DICER1: variants seen among roughly 807,000 people sequenced by gnomAD.
DICER1 encodes dicer 1, ribonuclease III, also known as endoribonuclease Dicer.
Under a neutral mutation model 194.1 loss-of-function variants are expected in DICER1, and 43 were observed. That is an observed-to-expected ratio of 0.22 (90% CI 0.17 to 0.29). The LOEUF (loss-of-function observed/expected upper bound fraction) is 0.29, where lower values mean the gene tolerates loss of function less well. DICER1 is among the 10% of genes least tolerant of loss of function. The pLI, the probability that DICER1 is intolerant of heterozygous loss-of-function variation, is 1.00. For missense variants in DICER1, 1,608 were observed against 2,317.0 expected (o/e 0.69, Z 6.28); for synonymous variants, 832 against 820.5 (o/e 1.01, Z -0.24).
chr14:95,129,450 T>C (rs1273067430), intron 6 of DICER1, 22 bp downstream of exon 6: 6 of 1,611,364 alleles, frequency 3.7e-6, no homozygotes, highest in Non-Finnish European at 5.1e-6. Flanking sequence ...TCATTAAAGC[T>C]GAGTCAATCA....
intron 1 of DICER1, among the ~76,000 whole-genome samples, chr14:95,140,211 CAT>C (rs1275315862): frequency 1.3e-5 from 2 of 152,166 alleles, no homozygotes; most frequent in Admixed American, 1.3e-4. Context: ...GAGGTTGTTT[CAT>C]AGTTTCCACA....
At chr14:95,157,954 C>G (rs1441006629), upstream of DICER1, 2 of 152,222 alleles carry the variant, frequency 1.3e-5, no homozygotes, top group Non-Finnish European at 2.9e-5. Flanking sequence ...TGCGTTTCCT[C>G]GCGTTAGTGG....
intron 1 of DICER1, among the ~76,000 whole-genome samples, chr14:95,156,360 C>T (rs73331576): frequency 0.03 from 4,551 of 152,214 alleles, 253 homozygotes; most frequent in African/African-American, 0.1. Flanking sequence ...TCGTGTAGAC[C>T]AGTAACGTGT....
chr14:95,108,467 C>T lies in DICER1; in HGVS notation c.2293G>A (p.Asp765Asn), dbSNP rs1595382448. Residue 765 changes from aspartate to asparagine, a missense_variant, in exon 15 of 27, where the codon GAT becomes AAT. This residue lies in a region of DICER1 where 657 missense variants were observed against 910.1 expected (regional missense o/e 0.72). Coordinates refer to ENST00000343455, the MANE Select transcript of DICER1 (RefSeq NM_177438.3). ...ECLRDSYPRP[D>N]QPCYLYVIGM... ...ATCACATACAGGTAACAGGGCTGATCAGGTCTGGGATAACTATCCCTCAAA... is the reference window on the plus strand; with the variant it reads ...ATCACATACAGGTAACAGGGCTGATTAGGTCTGGGATAACTATCCCTCAAA... 3 of 1,613,950 alleles carry T rather than the reference C, an allele frequency of 1.9e-6. No homozygotes were observed. Among genetic ancestry groups the T allele is most frequent in the East Asian group, 4.5e-5 (2 of 44,874 alleles).
intron 6 of DICER1, among the ~76,000 whole-genome samples, chr14:95,128,007 A>G (rs373676523): frequency 1.7e-4 from 26 of 152,314 alleles, no homozygotes; most frequent in East Asian, 1.5e-3. Context: ...TGAATTTTTA[A>G]TATTTGCAAA....
intron 6 of DICER1, chr14:95,128,924 T>TA (rs1192668631): frequency 3.9e-5 from 6 of 152,300 alleles, no homozygotes; most frequent in Non-Finnish European, 7.3e-5. Flanking sequence ...TCCACCAACC[T>TA]AAGTTATGAA....
rs533590757 is a variant in DICER1, at chr14:95,155,397, C to T, written c.-46+1833G>A. On this transcript the variant is annotated intron_variant, in intron 1 of 26. Transcript: ENST00000343455. ...AGTGGTAGAGAATAAAACATCCCAA[C>T]GCCATAAAAGTCACCCTCTCTAGAA... is the stretch of plus-strand genomic sequence containing the variant. 3.9e-5 allele frequency among the ~76,000 whole-genome samples: 6 copies of T among 152,286 alleles called. No individual in the cohort carries two copies. In the South Asian group the frequency reaches 8.3e-4, roughly 21 times the overall value.
rs1889684805 is a variant in DICER1, at chr14:95,090,403, C to T, written c.*95G>A. 2 of 1,376,876 alleles carry T rather than the reference C, an allele frequency of 1.5e-6. No individual in the cohort carries two copies. The highest frequency in any genetic ancestry group is 1.0e-6 in the Non-Finnish European group (1 of 970,472). The allele number at this position is 1,376,876 out of a possible 1,614,324, so 85.3% of individuals were successfully genotyped here. ...TAAATTCTGCCTTCAATTCATTCCACTCACTAACAACTTTAAGTCTTCCTT... is the reference window on the plus strand; with the variant it reads ...TAAATTCTGCCTTCAATTCATTCCATTCACTAACAACTTTAAGTCTTCCTT... On this transcript the variant is annotated 3_prime_UTR_variant, in exon 27 of 27. Coordinates refer to ENST00000343455, the MANE Select transcript of DICER1 (RefSeq NM_177438.3).
intron 17 of DICER1, among the ~76,000 whole-genome samples, 200 bp from the exon 18 acceptor site, chr14:95,106,423 G>A (rs1891435222): frequency 6.6e-6 from 1 of 151,308 alleles, no homozygotes; most frequent in Admixed American, 6.6e-5. Flanking sequence ...ACACATTATT[G>A]TCCCATTTTA....
At chr14:95,099,729 G>GTT in intron 22 of DICER1, 51 bp downstream of exon 22, 1 of 1,500,546 alleles carries the variant, frequency 6.7e-7, no homozygotes, top group Non-Finnish European at 8.8e-7. Flanking sequence ...AATCCCTCCA[G>GTT]TTACACACAC....
Position 95,087,813 on chromosome 14 carries a change from G to A in DICER1, c.*2685C>T. The A allele has an allele frequency of 4.3e-6, 1 of 233,196 alleles. No individual in the cohort carries two copies. Among genetic ancestry groups the A allele is most frequent in the Non-Finnish European group, 8.5e-6 (1 of 118,022 alleles). The allele number at this position is 233,196 out of a possible 1,614,324, so 14.4% of individuals were successfully genotyped here. ...CCAGTCCTTTACACACGTGCTCAGGGCACAACCACACCCCACTGGTAGGTT... is the reference window on the plus strand; with the variant it reads ...CCAGTCCTTTACACACGTGCTCAGGACACAACCACACCCCACTGGTAGGTT... On this transcript the variant is annotated 3_prime_UTR_variant, in exon 27 of 27. Transcript: ENST00000343455.
chr14:95,145,536 T>C (rs1895076677), intron 1 of DICER1, among the ~76,000 whole-genome samples: 1 of 151,870 alleles, frequency 6.6e-6, no homozygotes, highest in Admixed American at 6.6e-5. Context: ...ATTTCAAAAA[T>C]ATAAAAAAGA....
At chr14:95,097,629 A>C (rs1006550636) in intron 22 of DICER1, among the ~76,000 whole-genome samples, 10 of 151,436 alleles carry the variant, frequency 6.6e-5, no homozygotes, top group Admixed American at 4.6e-4. Flanking sequence ...GTTTTTAAAA[A>C]ACCAAAAAAC....
chr14:95,134,972 C>T (rs904447242), intron 1 of DICER1, among the ~76,000 whole-genome samples: 6 of 152,202 alleles, frequency 3.9e-5, no homozygotes, highest in African/African-American at 1.4e-4. Context: ...AGTACCCAAG[C>T]CTAGTACCCA....
At chr14:95,102,490 T>C (rs1890969163) in intron 21 of DICER1, among the ~76,000 whole-genome samples, 2 of 152,326 alleles carry the variant, frequency 1.3e-5, no homozygotes, top group South Asian at 4.1e-4. Flanking sequence ...TCCACACTTC[T>C]GACTGCTGCC....
chr14:95,139,514 C>T (rs1022016726), intron 1 of DICER1, among the ~76,000 whole-genome samples: 9 of 152,232 alleles, frequency 5.9e-5, no homozygotes, highest in Admixed American at 5.9e-4. Flanking sequence ...CATAGACACA[C>T]ATACACAACA....
At chr14:95,116,278 C>G (rs945131909) in intron 10 of DICER1, among the ~76,000 whole-genome samples, 175 bp downstream of exon 10, 1 of 152,110 alleles carries the variant, frequency 6.6e-6, no homozygotes, top group Non-Finnish European at 1.5e-5. Flanking sequence ...ATAACACTGC[C>G]GGGTCTTTGT....
chr14:95,144,534 CAAAATAT>C (rs1276440833), intron 1 of DICER1, among the ~76,000 whole-genome samples: 1 of 152,112 alleles, frequency 6.6e-6, no homozygotes. Flanking sequence ...CCATATCATA[CAAAATAT>C]CTCTACCTAG....
chr14:95,119,204 AT>A (rs1275310467), intron 8 of DICER1, among the ~76,000 whole-genome samples: 2 of 152,216 alleles, frequency 1.3e-5, no homozygotes, highest in African/African-American at 4.8e-5. Context: ...CAAAGAATGT[AT>A]TTTACTTTGC....
Sources: gnomAD v4.1 joint callset for allele counts (sites outside exome capture counted in the v4.1 genomes callset) on GRCh38, gnomAD v4.1.1 for gene constraint, gnomAD v4.1.1 regional missense constraint, MANE v1.5 for transcripts, NCBI Gene and HGNC (gene_info 2026-07-23, HGNC 2026-07-21) for gene names.